GABRA2: variants seen among roughly 807,000 people sequenced by gnomAD.
GABRA2 encodes the protein gamma-aminobutyric acid type A receptor subunit alpha2.
In GABRA2, 16 loss-of-function variants were observed where a neutral mutation model predicts 48.7. The observed-to-expected ratio is 0.33, with a 90% CI of 0.22 to 0.50. The LOEUF (loss-of-function observed/expected upper bound fraction) is 0.50, where lower values mean the gene tolerates loss of function less well. Ranked by LOEUF, GABRA2 falls within the 20% of genes least tolerant of loss-of-function variation. The probability of loss-of-function intolerance (pLI) is 0.98; values close to 1 mark genes in which losing one functional copy is unlikely to be tolerated. For missense variants in GABRA2, 275 were observed against 535.6 expected (o/e 0.51, Z 4.80); for synonymous variants, 185 against 184.5 (o/e 1.00, Z -0.02).
intron 9 of GABRA2, among the ~76,000 whole-genome samples, chr4:46,253,757 T>C (rs1340219496): frequency 6.6e-6 from 1 of 151,456 alleles, no homozygotes; most frequent in Non-Finnish European, 1.5e-5. Context: ...TTCCTACCAA[T>C]TCACTGAATG....
chr4:46,350,509 A>G (rs1734941999), intron 3 of GABRA2, among the ~76,000 whole-genome samples: 1 of 151,828 alleles, frequency 6.6e-6, no homozygotes, highest in East Asian at 1.9e-4. Flanking sequence ...ATACACATAC[A>G]TACATACCTG....
At position 46,252,413 on chromosome 4, in the gene GABRA2, T is replaced by C. The variant is rs1345985118; in HGVS notation, c.1060-1809A>G. Among the ~76,000 whole-genome samples the C allele has an allele frequency of 2.6e-5, 4 of 151,472 alleles. No individual in the cohort carries two copies. In the East Asian group the frequency reaches 5.9e-4, roughly 22 times the overall value. ...GCACTAGAATGTGTCGGGTTGATTG[T>C]TAGCCAAGGTGACATCTCTGACAAA... On this transcript the variant is annotated intron_variant, in intron 9 of 9. Transcript: ENST00000381620.
At chr4:46,261,782 A>C in intron 9 of GABRA2, 144 bp downstream of exon 9, 1 of 735,026 alleles carries the variant, frequency 1.4e-6, no homozygotes, top group Non-Finnish European at 2.3e-6. Flanking sequence ...GATTTCAGGC[A>C]AGAACACTTT....
Position 46,305,067 on chromosome 4 carries a change from G to C in GABRA2, c.703+501C>G, listed in dbSNP as rs145333264. Reference sequence around the variant, plus strand: ...ATGCAACTATTAATCTTTGAATCTTGTTAAAATGTAGATTCTGATTTAATA... The same window carrying C: ...ATGCAACTATTAATCTTTGAATCTTCTTAAAATGTAGATTCTGATTTAATA... On this transcript the variant is annotated intron_variant, in intron 7 of 9. Coordinates refer to ENST00000381620, the MANE Select transcript of GABRA2 (RefSeq NM_000807.4). 1.8e-4 allele frequency among the ~76,000 whole-genome samples: 27 copies of C among 151,828 alleles called. No homozygotes were observed. The East Asian group carries it at 4.7e-3, about 26-fold the overall frequency.
chr4:46,279,702 A>G (rs1443565780), intron 8 of GABRA2, among the ~76,000 whole-genome samples: 2 of 152,080 alleles, frequency 1.3e-5, no homozygotes, highest in Non-Finnish European at 1.5e-5. Flanking sequence ...GTTTCTGTTC[A>G]CTACTGTCTT....
In GABRA2 at chr4:46,390,059, G is replaced by T; in HGVS notation, c.-335C>A. On this transcript the variant is annotated 5_prime_UTR_variant, in exon 1 of 10. Coordinates refer to ENST00000381620, the MANE Select transcript of GABRA2 (RefSeq NM_000807.4). ...AACGATGACAGGAGCTGGGGCCGGG[G>T]GGGGAAATTGGGGGGACGCGGGCGG... The T allele has an allele frequency of 1.4e-5, 4 of 276,114 alleles. No individual in the cohort carries two copies. The highest frequency in any genetic ancestry group is 2.2e-5 in the Non-Finnish European group (4 of 185,770). 17.1% of individuals were successfully genotyped at this position (276,114 alleles called of 1,614,324 possible). A position where few individuals can be genotyped will look rare whatever the true frequency, so the allele number is the denominator to read the frequency against.
intron 3 of GABRA2, among the ~76,000 whole-genome samples, chr4:46,380,596 T>G (rs547870368): frequency 1.3e-5 from 2 of 152,332 alleles, no homozygotes; most frequent in South Asian, 2.1e-4. Flanking sequence ...CCAATAAGCC[T>G]TGTAATTTTA....
intron 8 of GABRA2, among the ~76,000 whole-genome samples, chr4:46,296,510 C>T (rs557800871): frequency 6.6e-6 from 1 of 152,160 alleles, no homozygotes; most frequent in East Asian, 1.9e-4. Context: ...GAAGAGCATG[C>T]ATGTAATACA....
rs960536423 is a variant in GABRA2, at chr4:46,389,958, G to A, written c.-234C>T. ...GCGGCGGCGGCGCGAGGTGTAGAAG[G>A]AGGCGAAGGCGTTCGTAGTGGCGGT... On this transcript the variant is annotated 5_prime_UTR_variant, in exon 1 of 10. Transcript: ENST00000381620. 51 of 988,306 alleles carry A rather than the reference G, an allele frequency of 5.2e-5. No homozygotes were observed. In the Admixed American group the frequency reaches 1.2e-3, roughly 24 times the overall value. The allele number at this position is 988,306 out of a possible 1,614,324, so 61.2% of individuals were successfully genotyped here. A position where few individuals can be genotyped will look rare whatever the true frequency, so the allele number is the denominator to read the frequency against.
At chr4:46,328,162 A>C (rs1004468763) in intron 4 of GABRA2, among the ~76,000 whole-genome samples, 4 of 152,066 alleles carry the variant, frequency 2.6e-5, no homozygotes, top group Admixed American at 6.6e-5. Flanking sequence ...ATGTTGAAAT[A>C]AAATATTTTT....
intron 8 of GABRA2, among the ~76,000 whole-genome samples, chr4:46,298,096 G>C (rs1725080348): frequency 6.6e-6 from 1 of 152,000 alleles, no homozygotes; most frequent in Admixed American, 6.6e-5. Flanking sequence ...TGAGAGAAGA[G>C]GCTTTGTATT....
intron 3 of GABRA2, 42 bp from the exon 4 acceptor site, chr4:46,332,724 A>G: frequency 8.6e-7 from 1 of 1,164,936 alleles, no homozygotes; most frequent in Non-Finnish European, 1.3e-6. Flanking sequence ...TTATATAATA[A>G]GAGCCACAGG....
At chr4:46,373,511 A>T (rs1487488093) in intron 3 of GABRA2, among the ~76,000 whole-genome samples, 1 of 152,174 alleles carries the variant, frequency 6.6e-6, no homozygotes, top group African/African-American at 2.4e-5. Context: ...CATTTAATCT[A>T]TTTTAAATGG....
intron 3 of GABRA2, among the ~76,000 whole-genome samples, chr4:46,382,347 G>A (rs1403598784): frequency 1.3e-5 from 2 of 151,860 alleles, no homozygotes; most frequent in Non-Finnish European, 2.9e-5. Flanking sequence ...GATACACCAG[G>A]GAAGAGAATA....
At chr4:46,364,792 G>C (rs534966453) in intron 3 of GABRA2, 1 of 152,060 alleles carries the variant, frequency 6.6e-6, no homozygotes, top group Non-Finnish European at 1.5e-5. Context: ...AGACCCACTC[G>C]GATAATGTCC....
intron 3 of GABRA2, among the ~76,000 whole-genome samples, chr4:46,336,799 A>G (rs2109833005): frequency 6.6e-6 from 1 of 152,264 alleles, no homozygotes; most frequent in Middle Eastern, 3.4e-3. Context: ...CAATTTTGAC[A>G]AAATCTTAAG....
At chr4:46,383,764 T>C (rs1717074803) in intron 3 of GABRA2, among the ~76,000 whole-genome samples, 1 of 152,120 alleles carries the variant, frequency 6.6e-6, no homozygotes, top group African/African-American at 2.4e-5. Context: ...AGGTAGAGTT[T>C]AGATAAGCAG....
At chr4:46,272,394 AT>A (rs765656107) in intron 8 of GABRA2, among the ~76,000 whole-genome samples, 13 of 152,106 alleles carry the variant, frequency 8.5e-5, no homozygotes, top group Non-Finnish European at 1.6e-4. Context: ...ATAAATATTT[AT>A]TTTTTAGGAT....
chr4:46,313,360 C>T (rs1728004050), intron 4 of GABRA2, among the ~76,000 whole-genome samples: 1 of 151,782 alleles, frequency 6.6e-6, no homozygotes, highest in African/African-American at 2.4e-5. Flanking sequence ...GTTAGCAAGA[C>T]TGTCTTAGGA....
Sources: allele counts gnomAD v4.1 joint callset (sites outside exome capture counted in the v4.1 genomes callset), GRCh38; gene constraint gnomAD v4.1.1; transcripts MANE v1.5; gene names NCBI Gene and HGNC (gene_info 2026-07-23, HGNC 2026-07-21).